Variants in CSMD1 observed in about 807,000 individuals in gnomAD.
The protein encoded by CSMD1 is CUB and sushi domain-containing protein 1.
Under a neutral mutation model 417.5 loss-of-function variants are expected in CSMD1, and 213 were observed. The observed-to-expected ratio is 0.51, with a 90% CI of 0.46 to 0.57. The LOEUF is 0.57. CSMD1 is among the 20% of genes least tolerant of loss of function. The pLI is 0.00. For synonymous variants in CSMD1, 2,862 were observed against 1,736.8 expected (o/e 1.65, Z -16.11); for missense variants, 6,923 against 4,529.7 (o/e 1.53, Z -15.17).
At chr8:4,428,462 T>G (rs1797688610) in intron 2 of CSMD1, among the ~76,000 whole-genome samples, 1 of 152,168 alleles carries the variant, frequency 6.6e-6, no homozygotes, top group Non-Finnish European at 1.5e-5. Flanking sequence ...CACATTAATT[T>G]CTGGAGTAAA....
At chr8:4,224,300 A>G (rs1011994500) in intron 3 of CSMD1, among the ~76,000 whole-genome samples, 2 of 152,224 alleles carry the variant, frequency 1.3e-5, no homozygotes, top group African/African-American at 4.8e-5. Flanking sequence ...TATACAAAAC[A>G]TTAAGATATT....
intron 3 of CSMD1, among the ~76,000 whole-genome samples, chr8:4,290,095 T>C (rs1486099725): frequency 6.6e-6 from 1 of 152,192 alleles, no homozygotes; most frequent in Non-Finnish European, 1.5e-5. Context: ...GGCATACAGA[T>C]GTGCAACAAA....
chr8:3,250,901 G>C (rs1198471739), intron 26 of CSMD1, among the ~76,000 whole-genome samples: 1 of 152,172 alleles, frequency 6.6e-6, no homozygotes, highest in African/African-American at 2.4e-5. Context: ...CCCACTTGTT[G>C]ATGGGGTTAT....
intron 3 of CSMD1, among the ~76,000 whole-genome samples, chr8:4,167,555 G>C (rs980706412): frequency 2.6e-5 from 4 of 152,116 alleles, no homozygotes; most frequent in Non-Finnish European, 5.9e-5. Flanking sequence ...GCTTGTTGCA[G>C]AAATTAGCAG....
At chr8:3,022,995 A>T (rs1809563331) in intron 51 of CSMD1, among the ~76,000 whole-genome samples, 1 of 152,242 alleles carries the variant, frequency 6.6e-6, no homozygotes, top group African/African-American at 2.4e-5. Flanking sequence ...ATTTGATGTT[A>T]GCTGGGCATT....
rs891059372 is a variant in CSMD1 at position 3,086,999 on chromosome 8, C to A, written c.7474+98G>T. On this transcript the variant is annotated intron_variant, in intron 49 of 69. Coordinates refer to ENST00000635120, the MANE Select transcript of CSMD1 (RefSeq NM_033225.6). Reference sequence around the variant, plus strand: ...AAGCCAACATTCAATTTTTCCTTACCTTTTATTCTTAGTTAGTGCTTCATT... The same window carrying A: ...AAGCCAACATTCAATTTTTCCTTACATTTTATTCTTAGTTAGTGCTTCATT... 1.9e-5 allele frequency: 21 copies of A among 1,124,920 alleles called. No individual in the cohort carries two copies. The South Asian group carries it at 3.1e-4, about 16-fold the overall frequency. The allele number at this position is 1,124,920 out of a possible 1,614,324, so 69.7% of individuals were successfully genotyped here.
intron 12 of CSMD1, among the ~76,000 whole-genome samples, chr8:3,467,069 G>C (rs1365730448): frequency 6.6e-6 from 1 of 152,022 alleles, no homozygotes; most frequent in Non-Finnish European, 1.5e-5. Context: ...GCCATCTCAG[G>C]GTGGCTACTG....
At chr8:3,312,638 A>G (rs1038596857) in intron 23 of CSMD1, among the ~76,000 whole-genome samples, 2 of 152,176 alleles carry the variant, frequency 1.3e-5, no homozygotes, top group African/African-American at 4.8e-5. Flanking sequence ...ACAGCCATCA[A>G]TACCTTGAAG....
intron 1 of CSMD1, among the ~76,000 whole-genome samples, chr8:4,772,335 C>T (rs1276865224): frequency 2.0e-5 from 3 of 152,172 alleles, no homozygotes; most frequent in Non-Finnish European, 2.9e-5. Context: ...TCTATCCTTG[C>T]TTTTTTTCTG....
chr8:4,783,191 T>G (rs1342861983), intron 1 of CSMD1, among the ~76,000 whole-genome samples: 2 of 152,192 alleles, frequency 1.3e-5, no homozygotes, highest in Admixed American at 1.3e-4. Context: ...TGAAATACAC[T>G]TAACATTAGG....
chr8:4,923,990 A>C (rs1366854381), intron 1 of CSMD1, among the ~76,000 whole-genome samples: 1 of 152,188 alleles, frequency 6.6e-6, no homozygotes, highest in Non-Finnish European at 1.5e-5. Context: ...TAGTTTAAGA[A>C]AGTTTTATAA....
At chr8:4,920,909 AAGAAAAGAAAAGAAAAGAAAGAG>A (rs1806414812) in intron 1 of CSMD1, among the ~76,000 whole-genome samples, 1 of 57,314 alleles carries the variant, frequency 1.7e-5, no homozygotes, top group African/African-American at 4.9e-5. Context: ...AAGAAAAGAA[AAGAAAAGAAAAGAAAAGAAAGAG>A]AGAAAGAAAG....
intron 2 of CSMD1, among the ~76,000 whole-genome samples, chr8:4,486,162 CATATATATATAT>C (rs202146584): frequency 6.2e-5 from 3 of 48,692 alleles, no homozygotes; most frequent in Non-Finnish European, 9.6e-5. Context: ...TATATACATA[CATATATATATAT>C]ACATACATAT....
chr8:3,702,987 T>C (rs1305263334), intron 7 of CSMD1, among the ~76,000 whole-genome samples: 2 of 152,226 alleles, frequency 1.3e-5, no homozygotes, highest in African/African-American at 2.4e-5. Flanking sequence ...GGAGACATAA[T>C]ATTGCCCATT....
At chr8:4,179,515 T>C (rs74454665) in intron 3 of CSMD1, among the ~76,000 whole-genome samples, 6 of 150,346 alleles carry the variant, frequency 4.0e-5, no homozygotes, top group Non-Finnish European at 8.9e-5. Flanking sequence ...GACGTAGGCA[T>C]GGGCAAAGAC....
At chr8:4,831,897 G>A (rs1800175873) in intron 1 of CSMD1, among the ~76,000 whole-genome samples, 1 of 151,962 alleles carries the variant, frequency 6.6e-6, no homozygotes, top group South Asian at 2.1e-4. Context: ...GGAAGCAGCT[G>A]ACACAAGCAG....
intron 1 of CSMD1, among the ~76,000 whole-genome samples, chr8:4,922,358 G>A (rs1806556592): frequency 6.6e-6 from 1 of 152,048 alleles, no homozygotes; most frequent in African/African-American, 2.4e-5. Context: ...TTCTAATTAT[G>A]TATGCTTATA....
At chr8:4,579,294 A>G (rs1799296786) in intron 2 of CSMD1, among the ~76,000 whole-genome samples, 1 of 151,032 alleles carries the variant, frequency 6.6e-6, no homozygotes, top group Admixed American at 6.6e-5. Flanking sequence ...TATATAAAAA[A>G]TCCTCTTGCC....
chr8:3,650,007 G>T (rs61213821), intron 7 of CSMD1, among the ~76,000 whole-genome samples: 6 of 152,164 alleles, frequency 3.9e-5, no homozygotes, highest in Non-Finnish European at 7.3e-5. Context: ...GGCTGGGCCT[G>T]GTGGCTCATG....
Sources: gnomAD v4.1 joint callset for allele counts (sites outside exome capture counted in the v4.1 genomes callset) on GRCh38, gnomAD v4.1.1 for gene constraint, MANE v1.5 for transcripts, NCBI Gene and HGNC (gene_info 2026-07-23, HGNC 2026-07-21) for gene names.